The following ARHGEF28 variants were observed in gnomAD, a reference collection of about 807,000 sequenced individuals.
ARHGEF28 encodes Rho guanine nucleotide exchange factor 28.
ARHGEF28 carries 152 observed loss-of-function variants against 206.6 expected under a neutral mutation model. That is an observed-to-expected ratio of 0.74 (90% CI 0.64 to 0.84). The LOEUF is 0.84. Among genes scored for constraint, ARHGEF28 ranks in the 40% least tolerant of loss-of-function variants. The pLI is 0.00. For missense variants in ARHGEF28, 2,028 were observed against 2,073.2 expected, an observed-to-expected ratio of 0.98 and a Z score of 0.42; for synonymous variants, 763 against 776.4, an observed-to-expected ratio of 0.98 and a Z score of 0.29.
chr5:73,830,471 G>A (rs529980100), intron 9 of ARHGEF28, among the ~76,000 whole-genome samples: 2 of 151,610 alleles, frequency 1.3e-5, no homozygotes, highest in Admixed American at 6.6e-5. Flanking sequence ...GGAGAATGGC[G>A]TGAACCTGGG....
At chr5:73,697,077 T>C (rs1161306194) in intron 2 of ARHGEF28, among the ~76,000 whole-genome samples, 2 of 152,230 alleles carry the variant, frequency 1.3e-5, no homozygotes, top group African/African-American at 2.4e-5. Flanking sequence ...CTATATGGAA[T>C]ATGTAAACAT....
chr5:73,913,754 A>G (rs539244094), intron 35 of ARHGEF28, among the ~76,000 whole-genome samples: 17 of 152,326 alleles, frequency 1.1e-4, no homozygotes, highest in Admixed American at 2.0e-4. Context: ...GAGGATCTCC[A>G]TAGTTCACTG....
intron 1 of ARHGEF28, among the ~76,000 whole-genome samples, chr5:73,675,969 G>A (rs1052251352): frequency 6.6e-6 from 1 of 151,644 alleles, no homozygotes; most frequent in Non-Finnish European, 1.5e-5. Flanking sequence ...GTGTCTGTGT[G>A]TGTAGTATAT....
chr5:73,854,313 TA>T (rs1236720456), intron 14 of ARHGEF28, among the ~76,000 whole-genome samples: 1 of 152,202 alleles, frequency 6.6e-6, no homozygotes. Flanking sequence ...GACATCCATG[TA>T]AAAAATGAGC....
intron 3 of ARHGEF28, 21 bp from the exon 4 acceptor site, chr5:73,752,888 G>A (rs763351237): frequency 1.9e-6 from 3 of 1,612,942 alleles, no homozygotes; most frequent in East Asian, 2.2e-5. Context: ...GGGGTGAACT[G>A]TTCACTGTCT....
intron 7 of ARHGEF28, among the ~76,000 whole-genome samples, chr5:73,788,510 G>T (rs1008683015): frequency 1.3e-5 from 2 of 152,074 alleles, no homozygotes; most frequent in Non-Finnish European, 2.9e-5. Flanking sequence ...TATGTTACAT[G>T]TATTATATAC....
intron 26 of ARHGEF28, among the ~76,000 whole-genome samples, chr5:73,889,677 T>C (rs1761510762): frequency 6.6e-6 from 1 of 152,252 alleles, no homozygotes; most frequent in African/African-American, 2.4e-5. Context: ...GCAGCTCCTT[T>C]CATCTTCTCC....
chr5:73,885,917 G>A lies in ARHGEF28; in HGVS notation c.3123G>A (p.Val1041=). The A allele has an allele frequency of 6.2e-7, 1 of 1,613,482 alleles. No individual in the cohort carries two copies. ...TAATTAAAGACATGATTGCAACAGTGGATTTAAAAGTCAATGAATATGAGA... is the reference window on the plus strand; with the variant it reads ...TAATTAAAGACATGATTGCAACAGTAGATTTAAAAGTCAATGAATATGAGA... ...LCLIKDMIAT[V]DLKVNEYEKN... Residue 1041 remains valine, a synonymous_variant, in exon 25 of 36, where the codon GTG becomes GTA. Coordinates refer to ENST00000513042, the MANE Select transcript of ARHGEF28 (RefSeq NM_001177693.2).
chr5:73,865,860 A>G (rs1759671886), intron 17 of ARHGEF28, 105 bp from the exon 18 acceptor site: 1 of 856,322 alleles, frequency 1.2e-6, no homozygotes, highest in African/African-American at 1.8e-5. Context: ...ATAAAATAAC[A>G]AAAATGATAT....
chr5:73,836,206 T>A (rs966631563), intron 10 of ARHGEF28, among the ~76,000 whole-genome samples: 2 of 152,048 alleles, frequency 1.3e-5, no homozygotes, highest in African/African-American at 4.8e-5. Flanking sequence ...GTATTTTAAA[T>A]TTTTTTAGGA....
chr5:73,671,522 C>A (rs924262596), intron 1 of ARHGEF28, among the ~76,000 whole-genome samples: 31 of 151,582 alleles, frequency 2.0e-4, no homozygotes, highest in African/African-American at 7.5e-4. Flanking sequence ...ACTTTTCTTG[C>A]TCTACCTTTA....
At position 73,906,762 on chromosome 5, in the gene ARHGEF28, C is replaced by G. The variant is rs561621106; in HGVS notation, c.4161+2357C>G. On this transcript the variant is annotated intron_variant, in intron 33 of 35. Coordinates refer to ENST00000513042, the MANE Select transcript of ARHGEF28 (RefSeq NM_001177693.2). Reference sequence around the variant, plus strand: ...TTTTTCACTAAGTTTATTCATATGTCTCTTTGCTGCTATTGTGAATAATTT... The same window carrying G: ...TTTTTCACTAAGTTTATTCATATGTGTCTTTGCTGCTATTGTGAATAATTT... 7.2e-5 allele frequency among the ~76,000 whole-genome samples: 11 copies of G among 151,890 alleles called. No homozygotes were observed. The South Asian group carries it at 2.3e-3, about 32-fold the overall frequency.
intron 9 of ARHGEF28, among the ~76,000 whole-genome samples, chr5:73,809,646 A>C (rs536057377): frequency 6.6e-6 from 1 of 152,346 alleles, no homozygotes; most frequent in African/African-American, 2.4e-5. Context: ...CAAGGTTGAA[A>C]GGCAGGTTAA....
chr5:73,916,375 G>C (rs1344076902), intron 35 of ARHGEF28, among the ~76,000 whole-genome samples: 1 of 152,158 alleles, frequency 6.6e-6, no homozygotes, highest in Non-Finnish European at 1.5e-5. Flanking sequence ...TGTATTTGTT[G>C]ACTAGGGCTG....
chr5:73,813,953 G>A (rs944211507), intron 9 of ARHGEF28, among the ~76,000 whole-genome samples: 3 of 150,798 alleles, frequency 2.0e-5, no homozygotes, highest in Non-Finnish European at 4.4e-5. Flanking sequence ...TAAGGTAAAT[G>A]TTTTGGATTC....
chr5:73,841,392 C>T lies in ARHGEF28; in HGVS notation c.1427+632C>T, dbSNP rs374090797. 1.6e-4 allele frequency among the ~76,000 whole-genome samples: 24 copies of T among 152,238 alleles called. No homozygotes were observed. The South Asian group carries it at 5.0e-3, about 32-fold the overall frequency. ...AAAATATATTATTATAGGGCACCTACATATGTGCATAAGCTATAAAGAAAA... is the reference window on the plus strand; with the variant it reads ...AAAATATATTATTATAGGGCACCTATATATGTGCATAAGCTATAAAGAAAA... On this transcript the variant is annotated intron_variant, in intron 11 of 35. Transcript: ENST00000513042.
At chr5:73,870,806 A>G (rs1455082204) in intron 21 of ARHGEF28, among the ~76,000 whole-genome samples, 2 of 152,204 alleles carry the variant, frequency 1.3e-5, no homozygotes. Flanking sequence ...AAGTTAAATT[A>G]TAGACTTGGA....
intron 1 of ARHGEF28, among the ~76,000 whole-genome samples, chr5:73,658,035 C>G (rs1745329584): frequency 6.6e-6 from 1 of 151,888 alleles, no homozygotes; most frequent in Non-Finnish European, 1.5e-5. Flanking sequence ...GAGAGCGCAA[C>G]TATGCATTTA....
chr5:73,848,658 A>G (rs966970893), intron 12 of ARHGEF28, among the ~76,000 whole-genome samples: 1 of 152,172 alleles, frequency 6.6e-6, no homozygotes, highest in African/African-American at 2.4e-5. Flanking sequence ...TAAAAATAAT[A>G]AACTCATTGT....
Sources: allele counts gnomAD v4.1 joint callset (sites outside exome capture counted in the v4.1 genomes callset), GRCh38; gene constraint gnomAD v4.1.1; transcripts MANE v1.5; gene names NCBI Gene and HGNC (gene_info 2026-07-23, HGNC 2026-07-21).